RASA2: variants seen among roughly 807,000 people sequenced by gnomAD.
RASA2 encodes ras GTPase-activating protein 2.
RASA2 carries 155 observed loss-of-function variants against 118.2 expected under a neutral mutation model. The observed-to-expected ratio is 1.31, with a 90% CI of 1.15 to 1.50. RASA2 has a LOEUF of 1.50. RASA2 is among the 40% of genes most tolerant of loss of function. The pLI is 0.00. For synonymous variants in RASA2, 353 were observed against 349.1 expected (o/e 1.01, Z -0.12); for missense variants, 1,016 against 1,009.6 (o/e 1.01, Z -0.09).
At chr3:141,596,836 A>G (rs896351862) in intron 19 of RASA2, among the ~76,000 whole-genome samples, 1 of 152,202 alleles carries the variant, frequency 6.6e-6, no homozygotes, top group South Asian at 2.1e-4. Flanking sequence ...ACCCTCATAC[A>G]TTTCCAGTGG....
intron 19 of RASA2, among the ~76,000 whole-genome samples, chr3:141,603,059 C>T (rs1344148350): frequency 6.6e-6 from 1 of 152,102 alleles, no homozygotes; most frequent in Non-Finnish European, 1.5e-5. Flanking sequence ...ACCATAAATC[C>T]ACAGTTCTTA....
At chr3:141,533,585 G>C (rs1201583605) in intron 4 of RASA2, among the ~76,000 whole-genome samples, 1 of 152,102 alleles carries the variant, frequency 6.6e-6, no homozygotes, top group East Asian at 1.9e-4. Context: ...AAATTGTTTA[G>C]AACTATAACC....
chr3:141,581,082 GTGTT>G lies in RASA2; in HGVS notation c.1675-12_1675-9del. On this transcript the variant is annotated splice_polypyrimidine_tract_variant and intron_variant, in intron 16 of 23. Transcript: ENST00000286364. ...TCTCTATTTAACACATATAAACCCT[GTGTT>G]TGTTTTTTCTTAGTCAAGTTTCAAA... is the stretch of plus-strand genomic sequence containing the variant. The G allele has an allele frequency of 6.6e-7, 1 of 1,509,074 alleles. No individual in the cohort carries two copies. 93.5% of individuals were successfully genotyped at this position (1,509,074 alleles called of 1,614,324 possible).
At chr3:141,602,689 T>C (rs2083484120) in intron 19 of RASA2, among the ~76,000 whole-genome samples, 1 of 152,166 alleles carries the variant, frequency 6.6e-6, no homozygotes, top group Non-Finnish European at 1.5e-5. Context: ...GCTAGCTCCC[T>C]AGGGGGCCTC....
At position 141,580,377 on chromosome 3, in the gene RASA2, A is replaced by G; in HGVS notation, c.1600A>G (p.Thr534Ala). 1 of 1,604,274 alleles carries G rather than the reference A, an allele frequency of 6.2e-7. No individual in the cohort carries two copies. The highest frequency in any genetic ancestry group is 8.5e-7 in the Non-Finnish European group (1 of 1,173,488). Residue 534 changes from threonine (T) to alanine (A), a missense_variant, in exon 16 of 24, where the codon ACA becomes GCA. Physicochemically the swap from Thr to Ala is moderately conservative, Grantham distance 58 (BLOSUM62 0). This residue lies in a region of RASA2 where 896 missense variants were observed against 836.4 expected (regional missense o/e 1.07). Coordinates refer to ENST00000286364, the MANE Select transcript of RASA2 (RefSeq NM_006506.5). ...TTTTTACATTCTTTAGGATGCACAGACAATTAGAACATTAACTCTCATCTC... is the reference window on the plus strand; with the variant it reads ...TTTTTACATTCTTTAGGATGCACAGGCAATTAGAACATTAACTCTCATCTC... ...HLRPHHPDAQTIRTLTLISKT... is the reference protein window; with the variant it reads ...HLRPHHPDAQAIRTLTLISKT...
intron 4 of RASA2, among the ~76,000 whole-genome samples, chr3:141,539,451 A>G (rs1379851331): frequency 6.6e-6 from 1 of 152,200 alleles, no homozygotes; most frequent in Non-Finnish European, 1.5e-5. Context: ...GGTGGACCTC[A>G]GATTCATTCT....
chr3:141,585,905 T>G, intron 17 of RASA2, 120 bp from the exon 18 acceptor site: 1 of 617,662 alleles, frequency 1.6e-6, no homozygotes, highest in Non-Finnish European at 2.7e-6. Flanking sequence ...TAAATTACTA[T>G]TATGTGTATT....
chr3:141,521,483 G>A (rs761598656), intron 3 of RASA2, among the ~76,000 whole-genome samples: 6 of 152,182 alleles, frequency 3.9e-5, no homozygotes, highest in South Asian at 2.1e-4. Context: ...AGTAATTTTC[G>A]TCTCTTTACA....
intron 3 of RASA2, among the ~76,000 whole-genome samples, chr3:141,522,916 C>T (rs1040267368): frequency 1.4e-4 from 21 of 151,994 alleles, no homozygotes; most frequent in African/African-American, 4.8e-4. Flanking sequence ...TCACTTTCTC[C>T]ATTTTTATTC....
At chr3:141,515,369 C>G (rs1247425274) in intron 2 of RASA2, among the ~76,000 whole-genome samples, 1 of 151,990 alleles carries the variant, frequency 6.6e-6, no homozygotes, top group Non-Finnish European at 1.5e-5. Context: ...TGACACTATC[C>G]TCACCTCTCA....
intron 19 of RASA2, among the ~76,000 whole-genome samples, chr3:141,600,993 T>C (rs1368595406): frequency 6.6e-6 from 1 of 152,176 alleles, no homozygotes; most frequent in African/African-American, 2.4e-5. Context: ...CACATAAATA[T>C]GGCCAATTCC....
At chr3:141,582,636 A>G (rs1395048940) in intron 17 of RASA2, among the ~76,000 whole-genome samples, 4 of 152,178 alleles carry the variant, frequency 2.6e-5, no homozygotes, top group African/African-American at 7.2e-5. Flanking sequence ...CTAATGGACT[A>G]TCGCCATAGT....
In RASA2 at chr3:141,552,125, T is replaced by C. The variant is rs2082583910; in HGVS notation, c.528-1732T>C. On this transcript the variant is annotated intron_variant, in intron 5 of 23. Transcript: ENST00000286364. ...ACTGATGATTTCTGTAGGGTGCACT[T>C]CTGGTTTATGGGCATCCGTGTTTTG... Among the ~76,000 whole-genome samples, 3 of 152,330 alleles carry C rather than the reference T, an allele frequency of 2.0e-5. No individual in the cohort carries two copies. In the South Asian group the frequency reaches 6.2e-4, roughly 32 times the overall value.
At chr3:141,544,750 C>T (rs1228760015) in intron 5 of RASA2, among the ~76,000 whole-genome samples, 1 of 152,104 alleles carries the variant, frequency 6.6e-6, no homozygotes, top group African/African-American at 2.4e-5. Context: ...AAATGGCCAT[C>T]AATCGCAGAC....
chr3:141,588,305 TAATTAC>T (rs1560053761), intron 19 of RASA2, among the ~76,000 whole-genome samples: 2 of 152,314 alleles, frequency 1.3e-5, no homozygotes, highest in African/African-American at 2.4e-5. Context: ...AAGTAAATTA[TAATTAC>T]AACATAGAAA....
chr3:141,536,252 AAATG>A (rs2082323611), intron 4 of RASA2, among the ~76,000 whole-genome samples: 3 of 152,216 alleles, frequency 2.0e-5, no homozygotes. Flanking sequence ...TGGCAAAAGA[AAATG>A]AGAGAGAAGC....
rs2081584852 is a variant in RASA2 at position 141,487,074 on chromosome 3, G to GGGCGGCACCATGGCGGC, written c.-3_14dup. ...AGGCGGCAGGGCTGCGGCACGGGCC[G>GGGCGGCACCATGGCGGC]GGCGGCACCATGGCGGCGGCGGCGC... On this transcript the variant is annotated 5_prime_UTR_variant, in exon 1 of 24. It adds an upstream start codon to the 5' untranslated region. Coordinates refer to ENST00000286364, the MANE Select transcript of RASA2 (RefSeq NM_006506.5). 9 of 1,329,534 alleles carry GGGCGGCACCATGGCGGC rather than the reference G, an allele frequency of 6.8e-6. No individual in the cohort carries two copies. The highest frequency in any genetic ancestry group is 3.3e-5 in the Admixed American group (1 of 30,288). The allele number at this position is 1,329,534 out of a possible 1,614,324, so 82.4% of individuals were successfully genotyped here. A position where few individuals can be genotyped will look rare whatever the true frequency, so the allele number is the denominator to read the frequency against.
intron 1 of RASA2, among the ~76,000 whole-genome samples, chr3:141,494,050 CCA>C (rs1205566652): frequency 1.3e-5 from 2 of 152,128 alleles, no homozygotes; most frequent in Non-Finnish European, 2.9e-5. Flanking sequence ...TTTGGCTGTA[CCA>C]CAGTTTATTT....
At chr3:141,594,543 GATAC>G (rs952836705) in intron 19 of RASA2, among the ~76,000 whole-genome samples, 3 of 151,846 alleles carry the variant, frequency 2.0e-5, no homozygotes. Flanking sequence ...CAAAAGACAA[GATAC>G]ATACACAGGG....
Sources: gnomAD v4.1 joint callset for allele counts (sites outside exome capture counted in the v4.1 genomes callset) on GRCh38, gnomAD v4.1.1 for gene constraint, gnomAD v4.1.1 regional missense constraint, MANE v1.5 for transcripts, NCBI Gene and HGNC (gene_info 2026-07-23, HGNC 2026-07-21) for gene names.